The following GLIS3 variants were observed in gnomAD, a reference collection of about 807,000 sequenced individuals.
GLIS3 encodes the protein GLIS family zinc finger 3.
Under a neutral mutation model 78.6 loss-of-function variants are expected in GLIS3, and 53 were observed. The observed-to-expected ratio is 0.67, with a 90% confidence interval of 0.54 to 0.85. The LOEUF (loss-of-function observed/expected upper bound fraction) is 0.85. Ranked by LOEUF, GLIS3 falls within the 40% of genes least tolerant of loss-of-function variation. GLIS3 has a pLI of 0.00. For synonymous variants in GLIS3, 684 were observed against 509.9 expected, an observed-to-expected ratio of 1.34 and a Z score of -4.60; for missense variants, 1,703 against 1,231.1, an observed-to-expected ratio of 1.38 and a Z score of -5.74.
intron 4 of GLIS3, among the ~76,000 whole-genome samples, chr9:4,106,755 G>A (rs1242625764): frequency 6.6e-6 from 1 of 152,176 alleles, no homozygotes; most frequent in Admixed American, 6.5e-5. Flanking sequence ...CCAAATTTCT[G>A]TGCACAATGG....
intron 4 of GLIS3, among the ~76,000 whole-genome samples, chr9:4,100,730 G>T (rs1218484664): frequency 2.0e-5 from 3 of 152,076 alleles, no homozygotes; most frequent in African/African-American, 7.2e-5. Context: ...AATATTGAGG[G>T]GGGGACAAAG....
intron 2 of GLIS3, among the ~76,000 whole-genome samples, chr9:4,285,263 T>C (rs1827890723): frequency 6.6e-6 from 1 of 152,202 alleles, no homozygotes; most frequent in Non-Finnish European, 1.5e-5. Context: ...TCATCTACAA[T>C]ATAACCTCAT....
intron 4 of GLIS3, among the ~76,000 whole-genome samples, chr9:3,967,474 G>T (rs1818042337): frequency 6.6e-6 from 1 of 152,080 alleles, no homozygotes; most frequent in Non-Finnish European, 1.5e-5. Context: ...TTGCACTCCA[G>T]CCTGGGCAAT....
chr9:4,320,334 C>A (rs1213175884), intron 2 of GLIS3, among the ~76,000 whole-genome samples: 1 of 152,132 alleles, frequency 6.6e-6, no homozygotes, highest in South Asian at 2.1e-4. Flanking sequence ...GTAAGACCAT[C>A]ACCTCTGGAA....
At chr9:4,206,618 T>C (rs923363941) in intron 2 of GLIS3, among the ~76,000 whole-genome samples, 1 of 152,228 alleles carries the variant, frequency 6.6e-6, no homozygotes, top group African/African-American at 2.4e-5. Flanking sequence ...CAAAGCATGT[T>C]GCTGAACTGG....
chr9:3,915,650 A>G (rs1824459212), intron 6 of GLIS3, among the ~76,000 whole-genome samples: 2 of 152,170 alleles, frequency 1.3e-5, no homozygotes, highest in Admixed American at 1.3e-4. Flanking sequence ...TCCATTTGCA[A>G]ATGCTCCAGC....
the GLIS3 span, among the ~76,000 whole-genome samples, chr9:4,371,475 G>A: frequency 6.4e-4 from 98 of 152,232 alleles, no homozygotes; most frequent in South Asian, 4.6e-3. Context: ...TCCTTTACTC[G>A]AAGGTTGGAG....
At chr9:3,855,666 A>C (rs1819732874) in intron 9 of GLIS3, 1 of 360,164 alleles carries the variant, frequency 2.8e-6, no homozygotes, top group African/African-American at 2.1e-5. Flanking sequence ...AGCAGAGCAG[A>C]GGCATGCTTG....
chr9:4,391,246 T>C, the GLIS3 span, among the ~76,000 whole-genome samples: 1 of 152,174 alleles, frequency 6.6e-6, no homozygotes, highest in African/African-American at 2.4e-5. Flanking sequence ...ACATGGGGGG[T>C]ACCTCACCTC....
At chr9:4,136,720 T>C (rs751021216) in intron 2 of GLIS3, among the ~76,000 whole-genome samples, 4 of 152,118 alleles carry the variant, frequency 2.6e-5, no homozygotes, top group Non-Finnish European at 5.9e-5. Flanking sequence ...CAATGCGTCC[T>C]GGAGAAACAA....
At chr9:4,450,636 T>G in the GLIS3 span, among the ~76,000 whole-genome samples, 1 of 152,174 alleles carries the variant, frequency 6.6e-6, no homozygotes, top group Admixed American at 6.6e-5. Context: ...CCCATCAGAC[T>G]AACAGCAGAT....
At position 3,829,239 on chromosome 9, in the gene GLIS3, G is replaced by C. The variant is rs549995664; in HGVS notation, c.2656+71C>G. On this transcript the variant is annotated intron_variant, in intron 10 of 10. Transcript: ENST00000381971. Reference sequence around the variant, plus strand: ...TGCTTGGTCACGTCCAGCCCAGGTCGGTCACGGGCAGCCCACCTGGTCTCT... The same window carrying C: ...TGCTTGGTCACGTCCAGCCCAGGTCCGTCACGGGCAGCCCACCTGGTCTCT... 6 of 1,360,238 alleles carry C rather than the reference G, an allele frequency of 4.4e-6. No homozygotes were observed. The Admixed American group carries it at 1.0e-4, about 23-fold the overall frequency. 84.3% of individuals were successfully genotyped at this position (1,360,238 alleles called of 1,614,324 possible).
intron 4 of GLIS3, among the ~76,000 whole-genome samples, chr9:4,098,618 C>T (rs564769368): frequency 8.5e-5 from 13 of 152,300 alleles, no homozygotes; most frequent in African/African-American, 2.4e-4. Context: ...TTAAAACCAT[C>T]GGTGTAGTTC....
the GLIS3 span, among the ~76,000 whole-genome samples, chr9:4,447,332 G>A: frequency 3.3e-5 from 5 of 151,750 alleles, no homozygotes; most frequent in Non-Finnish European, 7.4e-5. Flanking sequence ...ATCCATTTGT[G>A]AGCTACCATG....
At chr9:4,105,134 C>A (rs371742880) in intron 4 of GLIS3, among the ~76,000 whole-genome samples, 1 of 152,086 alleles carries the variant, frequency 6.6e-6, no homozygotes, top group African/African-American at 2.4e-5. Flanking sequence ...TATTTCCTTT[C>A]CTCTTTTAAA....
At chr9:3,985,239 C>T (rs1277221294) in intron 4 of GLIS3, among the ~76,000 whole-genome samples, 1 of 152,126 alleles carries the variant, frequency 6.6e-6, no homozygotes, top group Non-Finnish European at 1.5e-5. Context: ...ATCTCCAAGT[C>T]TCAAGCAATC....
chr9:4,414,381 A>C, the GLIS3 span, among the ~76,000 whole-genome samples: 1 of 152,194 alleles, frequency 6.6e-6, no homozygotes, highest in African/African-American at 2.4e-5. Context: ...TCAGAAATTA[A>C]ACTTCAAATC....
chr9:4,404,008 G>C, the GLIS3 span, among the ~76,000 whole-genome samples: 1 of 152,030 alleles, frequency 6.6e-6, no homozygotes, highest in African/African-American at 2.4e-5. Context: ...GCACACATAG[G>C]CTGAAAATAA....
chr9:4,267,598 T>C (rs927172674), intron 2 of GLIS3, among the ~76,000 whole-genome samples: 3 of 152,244 alleles, frequency 2.0e-5, no homozygotes, highest in African/African-American at 7.2e-5. Flanking sequence ...CAAGTCTATG[T>C]CTGGCACATC....
Sources: allele counts gnomAD v4.1 joint callset (sites outside exome capture counted in the v4.1 genomes callset), GRCh38; gene constraint gnomAD v4.1.1; transcripts MANE v1.5; gene names NCBI Gene and HGNC (gene_info 2026-07-23, HGNC 2026-07-21).